The following MGAT5 variants were observed in gnomAD, a reference collection of about 807,000 sequenced individuals.
The protein encoded by MGAT5 is alpha-1,6-mannosylglycoprotein 6-beta-N-acetylglucosaminyltransferase A.
MGAT5 carries 30 observed loss-of-function variants against 94.3 expected under a neutral mutation model. The observed-to-expected ratio is 0.32, with a 90% CI of 0.24 to 0.43. MGAT5 has a LOEUF of 0.43. Among genes scored for constraint, MGAT5 ranks in the 20% least tolerant of loss-of-function variants. The pLI, the probability that MGAT5 is intolerant of heterozygous loss-of-function variation, is 1.00. For missense variants in MGAT5, 691 were observed against 905.5 expected, an observed-to-expected ratio of 0.76 and a Z score of 3.04; for synonymous variants, 310 against 322.9, an observed-to-expected ratio of 0.96 and a Z score of 0.43.
intron 1 of MGAT5, among the ~76,000 whole-genome samples, chr2:134,218,669 G>C (rs1267145243): frequency 1.3e-5 from 2 of 152,132 alleles, no homozygotes; most frequent in Non-Finnish European, 2.9e-5. Flanking sequence ...CCCAGGTTGG[G>C]ACCTGGTGTA....
At chr2:134,205,471 A>G (rs1473823862) in intron 1 of MGAT5, among the ~76,000 whole-genome samples, 1 of 152,074 alleles carries the variant, frequency 6.6e-6, no homozygotes, top group Non-Finnish European at 1.5e-5. Flanking sequence ...AGTGAAGAGA[A>G]CGTACACATG....
intron 1 of MGAT5, among the ~76,000 whole-genome samples, chr2:134,135,690 CA>C (rs59026836): frequency 0.049 from 2,028 of 41,674 alleles, 11 homozygotes; most frequent in South Asian, 0.089. Context: ...GACTCCATCT[CA>C]AAAAAAAAAA....
intron 1 of MGAT5, among the ~76,000 whole-genome samples, chr2:134,227,701 C>T (rs896372576): frequency 1.3e-5 from 2 of 152,100 alleles, no homozygotes; most frequent in African/African-American, 4.8e-5. Flanking sequence ...TCTTGGTTTA[C>T]TCTAGGATCC....
intron 1 of MGAT5, among the ~76,000 whole-genome samples, chr2:134,260,710 T>A (rs941406500): frequency 6.6e-6 from 1 of 151,274 alleles, no homozygotes; most frequent in African/African-American, 2.4e-5. Flanking sequence ...TTCTTTTTTT[T>A]TTTTTTTTGA....
At chr2:134,184,636 T>C (rs1191100279) in intron 1 of MGAT5, among the ~76,000 whole-genome samples, 2 of 152,128 alleles carry the variant, frequency 1.3e-5, no homozygotes, top group Non-Finnish European at 2.9e-5. Context: ...GGATCCACAA[T>C]GGTGCTTGGC....
intron 15 of MGAT5, among the ~76,000 whole-genome samples, chr2:134,445,750 A>G (rs901047455): frequency 1.3e-5 from 2 of 152,214 alleles, no homozygotes; most frequent in African/African-American, 2.4e-5. Flanking sequence ...TCTGAGCAGG[A>G]GGATGTGCTT....
At chr2:134,361,923 G>A (rs1224809210) in intron 9 of MGAT5, among the ~76,000 whole-genome samples, 11 of 152,194 alleles carry the variant, frequency 7.2e-5, no homozygotes, top group Admixed American at 6.5e-4. Context: ...CTGGCCAGTA[G>A]GTGGTGAAAC....
intron 10 of MGAT5, among the ~76,000 whole-genome samples, chr2:134,383,882 G>A (rs189483635): frequency 2.8e-4 from 43 of 152,086 alleles, no homozygotes; most frequent in African/African-American, 9.2e-4. Flanking sequence ...GGGTTTTACC[G>A]TGTTAGCCAG....
At chr2:134,262,196 A>G (rs1478908011) in intron 1 of MGAT5, among the ~76,000 whole-genome samples, 1 of 152,208 alleles carries the variant, frequency 6.6e-6, no homozygotes, top group Non-Finnish European at 1.5e-5. Context: ...AGATTAATTT[A>G]GATTATTCTT....
chr2:134,380,664 A>T (rs955961749), intron 10 of MGAT5, among the ~76,000 whole-genome samples: 4 of 152,128 alleles, frequency 2.6e-5, no homozygotes, highest in Admixed American at 2.0e-4. Flanking sequence ...CATTTTTCTG[A>T]TTATATCTTA....
chr2:134,266,454 C>G (rs1459775620), intron 1 of MGAT5, among the ~76,000 whole-genome samples: 1 of 152,188 alleles, frequency 6.6e-6, no homozygotes, highest in Non-Finnish European at 1.5e-5. Context: ...CTCCTGACCT[C>G]AGGTGATCCG....
chr2:134,135,014 C>T (rs1274810375), intron 1 of MGAT5, among the ~76,000 whole-genome samples: 1 of 152,138 alleles, frequency 6.6e-6, no homozygotes, highest in Non-Finnish European at 1.5e-5. Context: ...TGTATCAGTC[C>T]ATCTTTGTAG....
intron 1 of MGAT5, among the ~76,000 whole-genome samples, chr2:134,256,563 G>C (rs914267423): frequency 2.0e-5 from 3 of 152,162 alleles, no homozygotes; most frequent in Non-Finnish European, 4.4e-5. Context: ...CATAGGGAAG[G>C]CTTCCCCACA....
Position 134,453,734 on chromosome 2 carries a change from C to T in MGAT5, c.*4887C>T, listed in dbSNP as rs975188769. 1 of 152,274 alleles carries T rather than the reference C, an allele frequency of 6.6e-6. No homozygotes were observed. Among genetic ancestry groups the T allele is most frequent in the African/African-American group, 2.4e-5 (1 of 41,452 alleles). The allele number at this position is 152,274 out of a possible 1,614,324, so 9.4% of individuals were successfully genotyped here. ...CCTCCTGGAGAAAACCAACCCCACC[C>T]TGCCAGCTGGGGGCAATGGGGCAGG... is the stretch of plus-strand genomic sequence containing the variant. On this transcript the variant is annotated 3_prime_UTR_variant, in exon 16 of 16. Transcript: ENST00000281923.
intron 4 of MGAT5, among the ~76,000 whole-genome samples, chr2:134,332,717 A>G (rs1230295962): frequency 6.6e-6 from 1 of 152,180 alleles, no homozygotes; most frequent in Non-Finnish European, 1.5e-5. Flanking sequence ...TCCAGAATCT[A>G]CAATGAACTC....
intron 2 of MGAT5, among the ~76,000 whole-genome samples, chr2:134,293,857 T>A (rs1157363105): frequency 6.6e-6 from 1 of 152,218 alleles, no homozygotes; most frequent in East Asian, 1.9e-4. Flanking sequence ...GGTCTGCGAC[T>A]ATGGCTTTGC....
chr2:134,255,474 T>C (rs1418798957), intron 1 of MGAT5, among the ~76,000 whole-genome samples: 1 of 145,140 alleles, frequency 6.9e-6, no homozygotes, highest in Non-Finnish European at 1.5e-5. Context: ...TATACATATA[T>C]ATACATATAT....
At chr2:134,137,214 A>G (rs950304394) in intron 1 of MGAT5, among the ~76,000 whole-genome samples, 16 of 152,172 alleles carry the variant, frequency 1.1e-4, no homozygotes, top group African/African-American at 3.9e-4. Context: ...CCCAAGAAAT[A>G]TGTTGTGCAC....
chr2:134,169,425 C>CACACAG (rs1553487217), intron 1 of MGAT5, among the ~76,000 whole-genome samples: 47 of 151,610 alleles, frequency 3.1e-4, no homozygotes, highest in African/African-American at 1.1e-3. Context: ...CACACACACA[C>CACACAG]ACACACACAC....
Sources: gnomAD v4.1 joint callset for allele counts (sites outside exome capture counted in the v4.1 genomes callset) on GRCh38, gnomAD v4.1.1 for gene constraint, MANE v1.5 for transcripts, NCBI Gene and HGNC (gene_info 2026-07-23, HGNC 2026-07-21) for gene names.